Variants in CDKN2B-AS1 observed in about 807,000 individuals in gnomAD.
CDKN2B-AS1 encodes CDKN2B and CDKN2A antisense cis and trans regulatory RNA 1, also known as CDKN2B antisense RNA 1 (non-protein coding).
intron 1 of CDKN2B-AS1, among the ~76,000 whole-genome samples, chr9:22,033,292 T>G (rs1822552103): frequency 6.6e-6 from 1 of 152,170 alleles, no homozygotes; most frequent in South Asian, 2.1e-4. Flanking sequence ...TGCTTCTGTT[T>G]TACATGCACA....
At chr9:22,040,185 G>A (rs1822844006) in intron 1 of CDKN2B-AS1, among the ~76,000 whole-genome samples, 1 of 151,930 alleles carries the variant, frequency 6.6e-6, no homozygotes, top group Admixed American at 6.6e-5. Context: ...AGTCCTAGCC[G>A]ACTAACACAC....
chr9:22,007,494 A>C (rs1300323309), intron 1 of CDKN2B-AS1, among the ~76,000 whole-genome samples: 1 of 152,230 alleles, frequency 6.6e-6, no homozygotes, highest in Non-Finnish European at 1.5e-5. Context: ...AACATTATGA[A>C]AACATTTGCT....
intron 4 of CDKN2B-AS1, among the ~76,000 whole-genome samples, chr9:22,088,306 A>G (rs1345954335): frequency 6.6e-6 from 1 of 152,220 alleles, no homozygotes; most frequent in Admixed American, 6.5e-5. Context: ...AGCAAGGACA[A>G]GTAATAATTT....
intron 1 of CDKN2B-AS1, among the ~76,000 whole-genome samples, chr9:22,043,640 T>C (rs2131268379): frequency 6.6e-6 from 1 of 152,152 alleles, no homozygotes; most frequent in Non-Finnish European, 1.5e-5. Context: ...TTCCAAACTT[T>C]AGTTATTTAT....
intron 4 of CDKN2B-AS1, chr9:22,113,948 C>G (rs933989827): frequency 3.3e-5 from 5 of 152,078 alleles, no homozygotes; most frequent in African/African-American, 1.2e-4. Context: ...GCCCCTAAGG[C>G]CAAATAAAAA....
chr9:22,011,297 A>G (rs928943274), intron 1 of CDKN2B-AS1, among the ~76,000 whole-genome samples: 1 of 152,256 alleles, frequency 6.6e-6, no homozygotes, highest in Non-Finnish European at 1.5e-5. Flanking sequence ...ATTGGATTTT[A>G]TCTAATATTC....
intron 1 of CDKN2B-AS1, among the ~76,000 whole-genome samples, chr9:22,027,033 T>C (rs1420024589): frequency 2.0e-5 from 3 of 152,176 alleles, no homozygotes; most frequent in Non-Finnish European, 4.4e-5. Context: ...AGTTGTTTCC[T>C]TGATTACTTC....
chr9:22,004,540 A>G (rs894778023), intron 1 of CDKN2B-AS1: 8 of 232,436 alleles, frequency 3.4e-5, no homozygotes, highest in Non-Finnish European at 5.9e-5. Flanking sequence ...ATGTATTTTT[A>G]AACCAAATTA....
chr9:22,003,309 A>C, intron 1 of CDKN2B-AS1: 1 of 220,364 alleles, frequency 4.5e-6, no homozygotes, highest in Non-Finnish European at 9.1e-6. Context: ...CAAAAAAAAC[A>C]GTGTAATATA....
intron 1 of CDKN2B-AS1, among the ~76,000 whole-genome samples, chr9:22,007,801 A>G (rs1378099426): frequency 2.6e-5 from 4 of 152,162 alleles, no homozygotes; most frequent in Non-Finnish European, 5.9e-5. Flanking sequence ...TTTTATAATT[A>G]TTAATAAAAT....
At chr9:22,040,175 AGT>A (rs1822843354) in intron 1 of CDKN2B-AS1, among the ~76,000 whole-genome samples, 1 of 152,038 alleles carries the variant, frequency 6.6e-6, no homozygotes, top group Non-Finnish European at 1.5e-5. Flanking sequence ...TTTGTACAGC[AGT>A]CCTAGCCGAC....
intron 1 of CDKN2B-AS1, among the ~76,000 whole-genome samples, chr9:22,045,661 T>C (rs1232489649): frequency 6.6e-6 from 1 of 152,110 alleles, no homozygotes; most frequent in East Asian, 1.9e-4. Context: ...AGGCTGCTCA[T>C]GCTTTTTGCC....
chr9:22,040,189 A>T (rs1822844308), intron 1 of CDKN2B-AS1, among the ~76,000 whole-genome samples: 1 of 152,024 alleles, frequency 6.6e-6, no homozygotes, highest in African/African-American at 2.4e-5. Context: ...CTAGCCGACT[A>T]ACACACCACT....
At chr9:22,035,639 C>A (rs1436030902) in intron 1 of CDKN2B-AS1, among the ~76,000 whole-genome samples, 1 of 152,122 alleles carries the variant, frequency 6.6e-6, no homozygotes, top group Non-Finnish European at 1.5e-5. Context: ...TTGGCTGCTT[C>A]TCCGAGTATT....
At chr9:22,102,129 G>T (rs10125231) in intron 4 of CDKN2B-AS1, among the ~76,000 whole-genome samples, 31 of 152,126 alleles carry the variant, frequency 2.0e-4, no homozygotes, top group Non-Finnish European at 4.3e-4. Context: ...AGATTTGGCC[G>T]TATTGGGCTC....
chr9:22,121,057 A>T (rs1247334608), intron 4 of CDKN2B-AS1: 2 of 152,162 alleles, frequency 1.3e-5, no homozygotes, highest in East Asian at 1.9e-4. Flanking sequence ...TGCTATATAC[A>T]TACAAATTTA....
At chr9:22,022,135 T>C (rs1822042840) in intron 1 of CDKN2B-AS1, among the ~76,000 whole-genome samples, 1 of 152,050 alleles carries the variant, frequency 6.6e-6, no homozygotes, top group Non-Finnish European at 1.5e-5. Context: ...GATTCTGTTG[T>C]TTTTCACTGG....
At chr9:22,043,788 A>G (rs1406685112) in intron 1 of CDKN2B-AS1, among the ~76,000 whole-genome samples, 1 of 152,018 alleles carries the variant, frequency 6.6e-6, no homozygotes, top group East Asian at 1.9e-4. Flanking sequence ...GTGCTAGTTA[A>G]AAATTTTTAA....
intron 4 of CDKN2B-AS1, among the ~76,000 whole-genome samples, chr9:22,114,841 C>A (rs867387640): frequency 2.7e-4 from 41 of 152,216 alleles, no homozygotes; most frequent in African/African-American, 7.5e-4. Flanking sequence ...TTCCTGCTTT[C>A]AAGAGCCATG....
Sources: gnomAD v4.1 joint callset for allele counts (sites outside exome capture counted in the v4.1 genomes callset) on GRCh38, gnomAD v4.1.1 for gene constraint, MANE v1.5 for transcripts, NCBI Gene and HGNC (gene_info 2026-07-23, HGNC 2026-07-21) for gene names.